The following SNTG1 variants were observed in gnomAD, a reference collection of about 807,000 sequenced individuals.
The protein encoded by SNTG1 is gamma-1-syntrophin.
Under a neutral mutation model 74.7 loss-of-function variants are expected in SNTG1, and 39 were observed. That is an observed-to-expected ratio of 0.52 (90% CI 0.40 to 0.68). SNTG1 has a LOEUF of 0.68. Ranked by LOEUF, SNTG1 falls within the 30% of genes least tolerant of loss-of-function variation. The probability of loss-of-function intolerance (pLI) is 0.00; values close to 1 mark genes in which losing one functional copy is unlikely to be tolerated. For missense variants in SNTG1, 685 were observed against 609.5 expected, an observed-to-expected ratio of 1.12 and a Z score of -1.30; for synonymous variants, 254 against 217.1, an observed-to-expected ratio of 1.17 and a Z score of -1.49.
chr8:50,720,439 T>A (rs1233287395), intron 17 of SNTG1, among the ~76,000 whole-genome samples: 1 of 152,216 alleles, frequency 6.6e-6, no homozygotes, highest in Non-Finnish European at 1.5e-5. Context: ...TTATGCTACA[T>A]GACTATTGCT....
chr8:50,071,233 C>G (rs1164724429), intron 1 of SNTG1, among the ~76,000 whole-genome samples: 1 of 152,134 alleles, frequency 6.6e-6, no homozygotes, highest in Non-Finnish European at 1.5e-5. Flanking sequence ...GAGTCTTGCT[C>G]TGTCACCCAG....
At chr8:50,356,312 A>G (rs2091814946) in intron 2 of SNTG1, among the ~76,000 whole-genome samples, 1 of 152,092 alleles carries the variant, frequency 6.6e-6, no homozygotes, top group Admixed American at 6.6e-5. Context: ...TCCCTTCAGG[A>G]TTCCTAATAG....
chr8:50,013,609 AT>A (rs1212922183), intron 1 of SNTG1, among the ~76,000 whole-genome samples: 5 of 151,986 alleles, frequency 3.3e-5, no homozygotes. Context: ...TGTGTTTAAA[AT>A]TTTTTAAACT....
chr8:50,155,943 A>G (rs2082240177), intron 1 of SNTG1, among the ~76,000 whole-genome samples: 1 of 152,034 alleles, frequency 6.6e-6, no homozygotes, highest in Non-Finnish European at 1.5e-5. Context: ...GAGCAACACC[A>G]TGAATACTAC....
chr8:50,116,742 C>A (rs1051368772), intron 1 of SNTG1, among the ~76,000 whole-genome samples: 1 of 152,064 alleles, frequency 6.6e-6, no homozygotes, highest in Non-Finnish European at 1.5e-5. Context: ...TTTCCATGAG[C>A]ATTTTGCTTG....
intron 5 of SNTG1, among the ~76,000 whole-genome samples, chr8:50,440,314 G>GT (rs1402481324): frequency 7.3e-5 from 11 of 151,650 alleles, no homozygotes; most frequent in East Asian, 1.9e-4. Context: ...TCCTTTTATG[G>GT]TTTTTTATTT....
At chr8:50,300,990 G>A (rs558287485) in intron 2 of SNTG1, among the ~76,000 whole-genome samples, 61 of 152,166 alleles carry the variant, frequency 4.0e-4, no homozygotes, top group Middle Eastern at 3.4e-3. Context: ...GCTGCTTATA[G>A]GATGTTTCCT....
chr8:50,403,788 C>G (rs1272627276), intron 4 of SNTG1, among the ~76,000 whole-genome samples: 1 of 152,124 alleles, frequency 6.6e-6, no homozygotes, highest in Non-Finnish European at 1.5e-5. Flanking sequence ...AACACTTTAG[C>G]AAGATATGAA....
intron 15 of SNTG1, among the ~76,000 whole-genome samples, chr8:50,680,221 T>C (rs1382323617): frequency 6.6e-6 from 1 of 152,190 alleles, no homozygotes; most frequent in Non-Finnish European, 1.5e-5. Flanking sequence ...AAAAGGATAG[T>C]GTATGTGACA....
In SNTG1 at chr8:49,911,785, A is replaced by G. The variant is rs1368938279; in HGVS notation, c.-549A>G. 1 of 152,288 alleles carries G rather than the reference A, an allele frequency of 6.6e-6. No homozygotes were observed. Among genetic ancestry groups the G allele is most frequent in the East Asian group, 1.9e-4 (1 of 5,158 alleles). The allele number at this position is 152,288 out of a possible 1,614,324, so 9.4% of individuals were successfully genotyped here. On this transcript the variant is annotated 5_prime_UTR_variant, in exon 1 of 19. Coordinates refer to ENST00000642720, the MANE Select transcript of SNTG1 (RefSeq NM_018967.5). Reference sequence around the variant, plus strand: ...TGCCGCCGCCGCTGTCCTTGCCGCCACTGTCGTCGCCACGGGCAGCTGGGC... The same window carrying G: ...TGCCGCCGCCGCTGTCCTTGCCGCCGCTGTCGTCGCCACGGGCAGCTGGGC...
rs576023669 is a variant in SNTG1, at chr8:50,289,900, C to T, written c.-27-104312C>T. On this transcript the variant is annotated intron_variant, in intron 2 of 18. Coordinates refer to ENST00000642720, the MANE Select transcript of SNTG1 (RefSeq NM_018967.5). ...TCCCCTTTTATAGCAAGGGAATGCA[C>T]GGAATGTACACATAGTAGGCTTTGG... 7.2e-5 allele frequency among the ~76,000 whole-genome samples: 11 copies of T among 152,152 alleles called. No homozygotes were observed. In the South Asian group the frequency reaches 8.3e-4, roughly 11 times the overall value.
At chr8:50,450,840 T>G in intron 8 of SNTG1, 111 bp downstream of exon 8, 1 of 1,077,842 alleles carries the variant, frequency 9.3e-7, no homozygotes. Flanking sequence ...ATTTATCCAG[T>G]TTGATATCAA....
At chr8:50,676,523 T>A (rs1302014751) in intron 15 of SNTG1, among the ~76,000 whole-genome samples, 1 of 151,982 alleles carries the variant, frequency 6.6e-6, no homozygotes, top group Non-Finnish European at 1.5e-5. Flanking sequence ...TAGTTAACAG[T>A]TCCTCTAACC....
At chr8:50,077,753 T>G (rs144373810) in intron 1 of SNTG1, among the ~76,000 whole-genome samples, 1 of 152,308 alleles carries the variant, frequency 6.6e-6, no homozygotes, top group East Asian at 1.9e-4. Flanking sequence ...CCAACACCAG[T>G]TATTTTGGTG....
At chr8:49,918,467 TCCC>T in intron 1 of SNTG1, among the ~76,000 whole-genome samples, 1 of 152,292 alleles carries the variant, frequency 6.6e-6, no homozygotes, top group African/African-American at 2.4e-5. Flanking sequence ...TATCCCTTCT[TCCC>T]AGAATACAAA....
intron 2 of SNTG1, among the ~76,000 whole-genome samples, chr8:50,277,307 T>C (rs1191479788): frequency 3.3e-5 from 5 of 149,476 alleles, no homozygotes; most frequent in Non-Finnish European, 7.4e-5. Flanking sequence ...TCACAGAACA[T>C]CTAAACTGGA....
In SNTG1 at chr8:49,967,608, G is replaced by A. The variant is rs577566196; in HGVS notation, c.-103+55377G>A. Among the ~76,000 whole-genome samples, 7 of 152,028 alleles carry A rather than the reference G, an allele frequency of 4.6e-5. No homozygotes were observed. The South Asian group carries it at 1.2e-3, about 27-fold the overall frequency. On this transcript the variant is annotated intron_variant, in intron 1 of 18. Transcript: ENST00000642720. ...TAATTTGGACAGGAAAAAAAGTTCA[G>A]TAAATATAATTTTTAGCCTTTTCTC...
chr8:50,071,935 T>C (rs1432188562), intron 1 of SNTG1, among the ~76,000 whole-genome samples: 1 of 152,154 alleles, frequency 6.6e-6, no homozygotes, highest in East Asian at 1.9e-4. Flanking sequence ...AGCTGATTCA[T>C]ATTTTGTTCT....
At chr8:50,102,406 G>T (rs1236789130) in intron 1 of SNTG1, among the ~76,000 whole-genome samples, 8 of 150,626 alleles carry the variant, frequency 5.3e-5, no homozygotes, top group Non-Finnish European at 8.9e-5. Flanking sequence ...TGATGGGGTT[G>T]TTTGTTTTTT....
Sources: allele counts gnomAD v4.1 joint callset (sites outside exome capture counted in the v4.1 genomes callset), GRCh38; gene constraint gnomAD v4.1.1; transcripts MANE v1.5; gene names NCBI Gene and HGNC (gene_info 2026-07-23, HGNC 2026-07-21).